NRXN1: variants seen among roughly 807,000 people sequenced by gnomAD.
NRXN1 encodes the protein neurexin 1.
In NRXN1, 39 loss-of-function variants were observed where a neutral mutation model predicts 150.9. That is an observed-to-expected ratio of 0.26 (90% confidence interval 0.20 to 0.34). The LOEUF (loss-of-function observed/expected upper bound fraction) is 0.34. Among genes scored for constraint, NRXN1 ranks in the 10% least tolerant of loss-of-function variants. The pLI, the probability that NRXN1 is intolerant of heterozygous loss-of-function variation, is 1.00. For missense variants in NRXN1, 1,815 were observed against 1,949.9 expected (o/e 0.93, Z 1.30); for synonymous variants, 924 against 757.0 (o/e 1.22, Z -3.62).
chr2:50,521,794 A>AT (rs2092795580), intron 12 of NRXN1, among the ~76,000 whole-genome samples: 2 of 152,154 alleles, frequency 1.3e-5, no homozygotes, highest in African/African-American at 4.8e-5. Context: ...AGAGTGTATC[A>AT]TGTGGCCTCT....
intron 21 of NRXN1, among the ~76,000 whole-genome samples, chr2:50,043,315 C>G (rs1476355103): frequency 1.3e-5 from 2 of 152,166 alleles, no homozygotes; most frequent in African/African-American, 4.8e-5. Context: ...CAGAACAGAA[C>G]AAGTTGGGCA....
At chr2:50,141,337 A>C (rs1046047203) in intron 18 of NRXN1, among the ~76,000 whole-genome samples, 1 of 152,044 alleles carries the variant, frequency 6.6e-6, no homozygotes, top group African/African-American at 2.4e-5. Context: ...TAAAGGCAAG[A>C]CCTGAAAATA....
At chr2:50,712,930 T>C in intron 5 of NRXN1, among the ~76,000 whole-genome samples, 1 of 152,200 alleles carries the variant, frequency 6.6e-6, no homozygotes, top group East Asian at 1.9e-4. Context: ...ACATTTTATC[T>C]GATGGAAATG....
At chr2:50,026,461 T>C (rs1688296494) in intron 21 of NRXN1, among the ~76,000 whole-genome samples, 1 of 152,200 alleles carries the variant, frequency 6.6e-6, no homozygotes. Context: ...CATGGTTATG[T>C]TTTATTACTC....
At chr2:50,326,689 T>C (rs929150113) in intron 17 of NRXN1, among the ~76,000 whole-genome samples, 2 of 152,226 alleles carry the variant, frequency 1.3e-5, no homozygotes, top group Non-Finnish European at 2.9e-5. Flanking sequence ...CCTTTTGCTA[T>C]GTATATAATT....
chr2:50,662,339 A>G (rs1162277001), intron 5 of NRXN1, among the ~76,000 whole-genome samples: 1 of 152,042 alleles, frequency 6.6e-6, no homozygotes, highest in African/African-American at 2.4e-5. Flanking sequence ...CCCATTAGGT[A>G]CCAAATGCTC....
chr2:50,770,120 G>A (rs1349934813), intron 5 of NRXN1, among the ~76,000 whole-genome samples: 3 of 152,108 alleles, frequency 2.0e-5, no homozygotes, highest in East Asian at 3.9e-4. Context: ...CTTGACAGGT[G>A]AACAAGATTT....
intron 5 of NRXN1, among the ~76,000 whole-genome samples, chr2:50,847,450 T>C (rs1673828561): frequency 6.6e-6 from 1 of 151,612 alleles, no homozygotes; most frequent in African/African-American, 2.4e-5. Context: ...GGGAAGAGTG[T>C]GGTCGCTTTA....
rs1055371724 is a variant in NRXN1, at chr2:50,736,714, G to A, written c.833-113099C>T. Among the ~76,000 whole-genome samples the A allele has an allele frequency of 3.3e-5, 5 of 151,970 alleles. No individual in the cohort carries two copies. In the South Asian group the frequency reaches 6.2e-4, roughly 19 times the overall value. On this transcript the variant is annotated intron_variant, in intron 5 of 22. Coordinates refer to ENST00000401669, the MANE Select transcript of NRXN1 (RefSeq NM_001330078.2). ...CTTTCGCCTTCTGCCATGATTGTGA[G>A]GCCTCTCCAGACATGTGGAACTGTT... is the stretch of plus-strand genomic sequence containing the variant.
At chr2:50,373,685 AAG>A (rs1172723901) in intron 17 of NRXN1, among the ~76,000 whole-genome samples, 3 of 117,130 alleles carry the variant, frequency 2.6e-5, no homozygotes, top group African/African-American at 9.5e-5. Flanking sequence ...AAAGAAAAGA[AAG>A]AAGGAAAGAA....
At chr2:50,321,171 A>T (rs2076012334) in intron 17 of NRXN1, among the ~76,000 whole-genome samples, 1 of 152,184 alleles carries the variant, frequency 6.6e-6, no homozygotes, top group South Asian at 2.1e-4. Context: ...ACCACATATA[A>T]TTCAGAGAGA....
Position 50,664,472 on chromosome 2 carries a change from C to A in NRXN1, c.833-40857G>T, listed in dbSNP as rs561620257. On this transcript the variant is annotated intron_variant, in intron 5 of 22. Transcript: ENST00000401669. The stretch of plus-strand genomic sequence containing the variant: ...GGGGGCGGGTGGGTAGAAGGATAGG[C>A]ATTGGGTTTTTTTCTCTACATTGAT... 4.1e-5 allele frequency among the ~76,000 whole-genome samples: 6 copies of A among 146,294 alleles called. No homozygotes were observed. The South Asian group carries it at 1.3e-3, about 32-fold the overall frequency.
chr2:50,815,452 T>G (rs1409582475), intron 5 of NRXN1, among the ~76,000 whole-genome samples: 3 of 152,158 alleles, frequency 2.0e-5, no homozygotes, highest in Non-Finnish European at 2.9e-5. Context: ...ATGTGAGAAT[T>G]ATATTTCAAG....
At chr2:50,499,526 A>G (rs1222889622) in intron 13 of NRXN1, among the ~76,000 whole-genome samples, 2 of 151,938 alleles carry the variant, frequency 1.3e-5, no homozygotes, top group Admixed American at 6.6e-5. Flanking sequence ...AATGACCTCA[A>G]TATTGTTCTG....
chr2:50,859,493 A>G (rs549529958), intron 5 of NRXN1, among the ~76,000 whole-genome samples: 6 of 152,248 alleles, frequency 3.9e-5, no homozygotes, highest in African/African-American at 1.4e-4. Flanking sequence ...ATGATTATTC[A>G]AAGAAACAGA....
At chr2:50,661,748 A>C (rs1687333351) in intron 5 of NRXN1, among the ~76,000 whole-genome samples, 1 of 152,062 alleles carries the variant, frequency 6.6e-6, no homozygotes, top group Non-Finnish European at 1.5e-5. Flanking sequence ...AACCCCCAAA[A>C]AAGGATTACT....
chr2:49,956,498 G>A (rs1310585602), intron 21 of NRXN1, among the ~76,000 whole-genome samples: 1 of 151,910 alleles, frequency 6.6e-6, no homozygotes, highest in African/African-American at 2.4e-5. Flanking sequence ...TTTTCCCTTT[G>A]ATTTCATTTT....
Position 51,027,534 on chromosome 2 carries a change from C to A in NRXN1, c.740G>T (p.Arg247Leu), listed in dbSNP as rs1478221604. 1 of 1,560,038 alleles carries A rather than the reference C, an allele frequency of 6.4e-7. No individual in the cohort carries two copies. Among genetic ancestry groups the A allele is most frequent in the Non-Finnish European group, 8.7e-7 (1 of 1,148,536 alleles). The change falls in exon 2 of 23, where the codon CGA becomes CTA. Residue 247 changes from arginine (R) to leucine (L), a missense_variant. Around this residue, in one of 6 missense-constraint regions of NRXN1, gnomAD observed 554 missense variants for 478.8 expected, o/e 1.16. Transcript: ENST00000401669. ...VDDQAVCDCS[R>L]TGFRGKDCSQ... ...GCAGTCCTTGCCGCGGAAGCCGGTTCGCGAGCAGTCGCACACGGCCTGGTC... is the reference window on the plus strand; with the variant it reads ...GCAGTCCTTGCCGCGGAAGCCGGTTAGCGAGCAGTCGCACACGGCCTGGTC...
chr2:50,114,299 T>C (rs1043213843), intron 18 of NRXN1, among the ~76,000 whole-genome samples: 1 of 152,126 alleles, frequency 6.6e-6, no homozygotes, highest in African/African-American at 2.4e-5. Context: ...AAGTTAAAAC[T>C]ACAGTGATAC....
Sources: gnomAD v4.1 joint callset for allele counts (sites outside exome capture counted in the v4.1 genomes callset) on GRCh38, gnomAD v4.1.1 for gene constraint, gnomAD v4.1.1 regional missense constraint, MANE v1.5 for transcripts, NCBI Gene and HGNC (gene_info 2026-07-23, HGNC 2026-07-21) for gene names.